The following WDR72 variants were observed in gnomAD, a reference collection of about 807,000 sequenced individuals.
WDR72 encodes the protein WD repeat domain 72.
WDR72 carries 120 observed loss-of-function variants against 124.2 expected under a neutral mutation model. That is an observed-to-expected ratio of 0.97 (90% CI 0.83 to 1.12). WDR72 has a LOEUF of 1.12. Ranked by LOEUF, WDR72 falls within the 50% of genes most tolerant of loss-of-function variation. The pLI, the probability that WDR72 is intolerant of heterozygous loss-of-function variation, is 0.00. For missense variants in WDR72, 1,387 were observed against 1,278.8 expected (o/e 1.08, Z -1.29); for synonymous variants, 452 against 441.7 (o/e 1.02, Z -0.29).
chr15:53,663,181 T>C (rs903047297), intron 14 of WDR72, among the ~76,000 whole-genome samples: 3 of 151,856 alleles, frequency 2.0e-5, no homozygotes, highest in Admixed American at 6.6e-5. Flanking sequence ...ATAATAGACA[T>C]TGAAGATACC....
chr15:53,699,730 G>T lies in WDR72; in HGVS notation c.1765+20C>A, dbSNP rs1380393571. 4 of 1,610,860 alleles carry T rather than the reference G, an allele frequency of 2.5e-6. No homozygotes were observed. The highest frequency in any genetic ancestry group is 3.4e-6 in the Non-Finnish European group (4 of 1,177,366). ...CATCATAAATATATAAAGAATGAAA[G>T]GGATAAAATTTCAACTTACCTGTTT... On this transcript the variant is annotated intron_variant, in intron 13 of 19. Coordinates refer to ENST00000360509, the MANE Select transcript of WDR72 (RefSeq NM_182758.4).
At chr15:53,726,264 G>GTGTGTGTATATA (rs1555428779) in intron 2 of WDR72, among the ~76,000 whole-genome samples, 50 of 110,356 alleles carry the variant, frequency 4.5e-4, no homozygotes, top group African/African-American at 1.9e-3. Context: ...ATGTATGTGT[G>GTGTGTGTATATA]TATATATATA....
chr15:53,655,230 CAAAAAAAAAAAAAA>C (rs531072099), intron 14 of WDR72, among the ~76,000 whole-genome samples: 13 of 54,582 alleles, frequency 2.4e-4, no homozygotes, highest in African/African-American at 6.0e-4. Flanking sequence ...GATGCCATCT[CAAAAAAAAAAAAAA>C]AAAAAAAAAA....
At chr15:53,558,022 G>A (rs1893992918) in intron 18 of WDR72, among the ~76,000 whole-genome samples, 3 of 151,824 alleles carry the variant, frequency 2.0e-5, no homozygotes, top group South Asian at 4.2e-4. Flanking sequence ...GCTGAAACAG[G>A]GGCACTGGTG....
intron 18 of WDR72, among the ~76,000 whole-genome samples, chr15:53,560,000 G>A (rs991101903): frequency 6.6e-6 from 1 of 151,958 alleles, no homozygotes; most frequent in African/African-American, 2.4e-5. Context: ...AAGTTGAAAT[G>A]CAGTCCAGTG....
intron 13 of WDR72, among the ~76,000 whole-genome samples, chr15:53,687,142 A>G (rs1238566048): frequency 1.3e-5 from 2 of 148,896 alleles, no homozygotes; most frequent in African/African-American, 2.5e-5. Flanking sequence ...TAACATCACA[A>G]TTAAAAGAAC....
intron 13 of WDR72, among the ~76,000 whole-genome samples, chr15:53,674,541 TA>T (rs1480114346): frequency 6.6e-6 from 1 of 152,072 alleles, no homozygotes; most frequent in African/African-American, 2.4e-5. Context: ...CAAATTTAGC[TA>T]ACTAGAAAAT....
intron 13 of WDR72, among the ~76,000 whole-genome samples, chr15:53,698,547 T>C (rs1233516371): frequency 6.6e-6 from 1 of 152,182 alleles, no homozygotes; most frequent in African/African-American, 2.4e-5. Context: ...CCCCATTTCA[T>C]AGATGAGGAG....
At position 53,513,823 on chromosome 15, in the gene WDR72, A is replaced by G. The variant is rs1891301768; in HGVS notation, c.*3876T>C. 6.6e-6 allele frequency: 1 copy of G among 152,220 alleles called. No individual in the cohort carries two copies. Among genetic ancestry groups the G allele is most frequent in the Non-Finnish European group, 1.5e-5 (1 of 68,038 alleles). 9.4% of individuals were successfully genotyped at this position (152,220 alleles called of 1,614,324 possible). On this transcript the variant is annotated 3_prime_UTR_variant, in exon 20 of 20. Coordinates refer to ENST00000360509, the MANE Select transcript of WDR72 (RefSeq NM_182758.4). ...CACAACATCAACATTTTACATAAAG[A>G]TGGTATCTGAGAAGGTCAAGATGAA...
At chr15:53,723,017 G>C in intron 2 of WDR72, 109 bp from the exon 3 acceptor site, 2 of 1,069,172 alleles carry the variant, frequency 1.9e-6, no homozygotes, top group East Asian at 5.0e-5. Context: ...TGTTTTTGTT[G>C]TATACAAGTT....
upstream of WDR72, among the ~76,000 whole-genome samples, chr15:53,761,625 A>C (rs2019065459): frequency 6.6e-6 from 1 of 152,128 alleles, no homozygotes; most frequent in Non-Finnish European, 1.5e-5. Context: ...CAAGAGTTTG[A>C]GACCAGCCTG....
At chr15:53,583,321 AAAAT>A (rs2140320469) in intron 18 of WDR72, among the ~76,000 whole-genome samples, 1 of 152,222 alleles carries the variant, frequency 6.6e-6, no homozygotes, top group Admixed American at 6.5e-5. Flanking sequence ...TAATCATTTG[AAAAT>A]AACTCATCTA....
At position 53,750,074 on chromosome 15, in the gene WDR72, AAAC is replaced by A. The variant is rs2018738435; in HGVS notation, c.-13+9556_-13+9558del. Among the ~76,000 whole-genome samples the A allele has an allele frequency of 3.9e-5, 6 of 152,300 alleles. No homozygotes were observed. In the South Asian group the frequency reaches 1.2e-3, roughly 32 times the overall value. Reference sequence around the variant, plus strand: ...GATAATTAATGAAGGTGGCTATACTAAACAACAGATTTTCAATGTAGATGAAAC... The same window carrying A: ...GATAATTAATGAAGGTGGCTATACTAAACAGATTTTCAATGTAGATGAAAC... On this transcript the variant is annotated intron_variant, in intron 1 of 19. Transcript: ENST00000360509.
chr15:53,634,158 C>T (rs1490768124), intron 14 of WDR72, among the ~76,000 whole-genome samples: 4 of 152,170 alleles, frequency 2.6e-5, no homozygotes, highest in African/African-American at 9.7e-5. Flanking sequence ...CTCCCTCTTA[C>T]AATTAAAATA....
At chr15:53,532,043 A>G (rs755461445) in intron 18 of WDR72, among the ~76,000 whole-genome samples, 2 of 152,108 alleles carry the variant, frequency 1.3e-5, no homozygotes, top group African/African-American at 4.8e-5. Context: ...AACCCAAAGT[A>G]TATGTAATAC....
At position 53,548,354 on chromosome 15, in the gene WDR72, T is replaced by C. The variant is rs115393619; in HGVS notation, c.3149-25032A>G. ...TACAGAATAAACAGGGCAGGCCTGA[T>C]GGGAGGGCTCGGGCTCTCAGATGCA... On this transcript the variant is annotated intron_variant, in intron 18 of 19. Coordinates refer to ENST00000360509, the MANE Select transcript of WDR72 (RefSeq NM_182758.4). Among the ~76,000 whole-genome samples the C allele has an allele frequency of 8.6e-3, 1,312 of 152,254 alleles. 23 individuals are homozygous for C. Among genetic ancestry groups the C allele is most frequent in the African/African-American group, 0.03 (1,266 of 41,538 alleles).
Position 53,552,127 on chromosome 15 carries a change from CATGT to C in WDR72, c.3149-28809_3149-28806del, listed in dbSNP as rs1480748979. On this transcript the variant is annotated intron_variant, in intron 18 of 19. Coordinates refer to ENST00000360509, the MANE Select transcript of WDR72 (RefSeq NM_182758.4). ...CTCAACTGAATTATTCTATACCTAT[CATGT>C]GTGTGTGTGTGTGTGTGTGTGTTTA... Among the ~76,000 whole-genome samples the C allele has an allele frequency of 3.2e-3, 253 of 79,298 alleles. 1 individual carries two copies. Among genetic ancestry groups the C allele is most frequent in the African/African-American group, 0.01 (245 of 23,742 alleles). 52.0% of individuals were successfully genotyped at this position (79,298 alleles called of 152,430 possible).
At chr15:53,636,077 G>A (rs1431105495) in intron 14 of WDR72, among the ~76,000 whole-genome samples, 1 of 152,154 alleles carries the variant, frequency 6.6e-6, no homozygotes. Flanking sequence ...ATCCACTGAT[G>A]CTGCTTGGTT....
chr15:53,582,671 A>G (rs1411602798), intron 18 of WDR72, among the ~76,000 whole-genome samples: 1 of 152,016 alleles, frequency 6.6e-6, no homozygotes, highest in Non-Finnish European at 1.5e-5. Flanking sequence ...TTAACTGCTA[A>G]ATATAAAAAT....
Sources: allele counts gnomAD v4.1 joint callset (sites outside exome capture counted in the v4.1 genomes callset), GRCh38; gene constraint gnomAD v4.1.1; transcripts MANE v1.5; gene names NCBI Gene and HGNC (gene_info 2026-07-23, HGNC 2026-07-21).